Variants in ATP9A observed in about 807,000 individuals in gnomAD.
The protein encoded by ATP9A is probable phospholipid-transporting ATPase IIA.
In ATP9A, 52 loss-of-function variants were observed where a neutral mutation model predicts 144.1. That is an observed-to-expected ratio of 0.36 (90% CI 0.29 to 0.45). ATP9A has a LOEUF of 0.45. Among genes scored for constraint, ATP9A ranks in the 20% least tolerant of loss-of-function variants. ATP9A has a pLI of 1.00. For missense variants in ATP9A, 947 were observed against 1,392.7 expected, an observed-to-expected ratio of 0.68 and a Z score of 5.09; for synonymous variants, 582 against 557.4, an observed-to-expected ratio of 1.04 and a Z score of -0.62.
At chr20:51,721,856 A>T (rs909153994) in intron 3 of ATP9A, among the ~76,000 whole-genome samples, 1 of 151,920 alleles carries the variant, frequency 6.6e-6, no homozygotes, top group African/African-American at 2.4e-5. Context: ...ATTCATATGG[A>T]ACCAAAAAAG....
At chr20:51,640,917 G>A (rs535475351) in intron 14 of ATP9A, among the ~76,000 whole-genome samples, 9 of 152,198 alleles carry the variant, frequency 5.9e-5, no homozygotes, top group South Asian at 4.2e-4. Flanking sequence ...TCCCCGAGAC[G>A]GCCTAACTTT....
At chr20:51,720,574 A>G (rs1322106592) in intron 3 of ATP9A, among the ~76,000 whole-genome samples, 1 of 151,986 alleles carries the variant, frequency 6.6e-6, no homozygotes, top group Non-Finnish European at 1.5e-5. Context: ...AGTGGCTCAC[A>G]CCTGTCATCC....
intron 13 of ATP9A, among the ~76,000 whole-genome samples, chr20:51,666,872 G>A (rs1381992689): frequency 1.3e-5 from 2 of 152,118 alleles, no homozygotes; most frequent in East Asian, 3.9e-4. Flanking sequence ...TTTCAGGTAT[G>A]TAAATCATCC....
chr20:51,704,182 TA>T (rs11086355), intron 4 of ATP9A, among the ~76,000 whole-genome samples: 18,833 of 130,380 alleles, frequency 0.14, 2,205 homozygotes, highest in African/African-American at 0.34. Context: ...AGTGGGAACT[TA>T]AAAAAAAAAA....
intron 1 of ATP9A, among the ~76,000 whole-genome samples, chr20:51,739,500 C>T (rs575521363): frequency 1.3e-5 from 2 of 151,880 alleles, no homozygotes; most frequent in Non-Finnish European, 2.9e-5. Flanking sequence ...TACAGGCACC[C>T]GCCACCATGC....
At chr20:51,690,630 C>A in intron 8 of ATP9A, 109 bp downstream of exon 8, 1 of 927,710 alleles carries the variant, frequency 1.1e-6, no homozygotes, top group South Asian at 1.5e-5. Flanking sequence ...TATGTCCCCA[C>A]CTGGCATGAA....
At chr20:51,727,204 G>A (rs1372196102) in intron 2 of ATP9A, among the ~76,000 whole-genome samples, 1 of 151,720 alleles carries the variant, frequency 6.6e-6, no homozygotes, top group African/African-American at 2.4e-5. Context: ...GAACACAAGA[G>A]GCAGACGTTG....
At chr20:51,716,587 A>T (rs2077662968) in intron 3 of ATP9A, among the ~76,000 whole-genome samples, 1 of 152,024 alleles carries the variant, frequency 6.6e-6, no homozygotes, top group South Asian at 2.1e-4. Flanking sequence ...CAGGAGGCAG[A>T]GATTGTTGCA....
At chr20:51,627,092 T>G (rs1021673378) in intron 17 of ATP9A, among the ~76,000 whole-genome samples, 3 of 149,162 alleles carry the variant, frequency 2.0e-5, no homozygotes, top group Non-Finnish European at 4.5e-5. Flanking sequence ...AGAACAAGAA[T>G]AAGAAGAACA....
chr20:51,651,443 CATAAA>C (rs896466685), intron 14 of ATP9A, among the ~76,000 whole-genome samples: 167 of 145,308 alleles, frequency 1.1e-3, no homozygotes, highest in African/African-American at 4.0e-3. Context: ...TATAAATACA[CATAAA>C]ATAAAATAAA....
rs2077185040 is a variant in ATP9A, at chr20:51,611,566, C to G, written c.2572-1401G>C. Among the ~76,000 whole-genome samples, 1 of 152,200 alleles carries G rather than the reference C, an allele frequency of 6.6e-6. No homozygotes were observed. Among genetic ancestry groups the G allele is most frequent in the Non-Finnish European group, 1.5e-5 (1 of 68,038 alleles). On this transcript the variant is annotated intron_variant, in intron 23 of 27. Coordinates refer to ENST00000338821, the MANE Select transcript of ATP9A (RefSeq NM_006045.3). The surrounding 1 kb of genome is among the most constrained non-coding windows in gnomAD (Gnocchi z 4.2). ...GGGACTTGCTCTCGGCCATTTTCAG[C>G]ACAGTGGACAGGGGTTAAAGGCATT...
intron 26 of ATP9A, among the ~76,000 whole-genome samples, chr20:51,606,595 G>A (rs958838835): frequency 6.6e-6 from 1 of 152,130 alleles, no homozygotes; most frequent in African/African-American, 2.4e-5. Context: ...TGCTGAACTA[G>A]AAACAGGTTT....
intron 1 of ATP9A, chr20:51,734,642 AT>A (rs1302050655): frequency 6.6e-6 from 1 of 152,280 alleles, no homozygotes; most frequent in Non-Finnish European, 1.5e-5. Context: ...TTAAGAAGAA[AT>A]TTAAAAAAGA....
At chr20:51,623,818 A>AAAGG (rs1178379038) in intron 18 of ATP9A, among the ~76,000 whole-genome samples, 1 of 126,838 alleles carries the variant, frequency 7.9e-6, no homozygotes, top group Non-Finnish European at 1.7e-5. Context: ...AGAAAGAAAG[A>AAAGG]AAAGAAAAGA....
chr20:51,628,908 C>A, intron 16 of ATP9A, 72 bp downstream of exon 16: 1 of 1,334,986 alleles, frequency 7.5e-7, no homozygotes, highest in African/African-American at 1.4e-5. Context: ...AGAGACCCAC[C>A]TTACCATGCA....
At chr20:51,675,347 T>C (rs1008547690) in intron 10 of ATP9A, among the ~76,000 whole-genome samples, 1 of 152,162 alleles carries the variant, frequency 6.6e-6, no homozygotes, top group Non-Finnish European at 1.5e-5. Context: ...TATTCTGTAA[T>C]GTTCTGACTC....
chr20:51,602,333 G>A (rs1427690941), intron 27 of ATP9A, among the ~76,000 whole-genome samples: 3 of 152,174 alleles, frequency 2.0e-5, no homozygotes, highest in Non-Finnish European at 4.4e-5. Flanking sequence ...TGCCACTGAG[G>A]CAGCACCTAC....
At chr20:51,683,130 C>A (rs2077507650) in intron 9 of ATP9A, among the ~76,000 whole-genome samples, 1 of 152,040 alleles carries the variant, frequency 6.6e-6, no homozygotes, top group African/African-American at 2.4e-5. Flanking sequence ...TTCTCTGTCA[C>A]CCAAACTGGA....
In ATP9A at chr20:51,629,175, G is replaced by C. The variant is rs113045538; in HGVS notation, c.1669-103C>G. On this transcript the variant is annotated intron_variant, in intron 15 of 27. Transcript: ENST00000338821. ...GACAGTGTACAAAGTGCACTTAACA[G>C]ACACCAATGTTTTTTCAGTTGGCTG... The C allele has an allele frequency of 2.5e-3, 2,023 of 822,984 alleles. 9 individuals are homozygous for C. Among genetic ancestry groups the C allele is most frequent in the Non-Finnish European group, 3.5e-3 (1,849 of 522,094 alleles). The allele number at this position is 822,984 out of a possible 1,614,324, so 51.0% of individuals were successfully genotyped here. A position where few individuals can be genotyped will look rare whatever the true frequency, so the allele number is the denominator to read the frequency against.
Sources: gnomAD v4.1 joint callset for allele counts (sites outside exome capture counted in the v4.1 genomes callset) on GRCh38, gnomAD v4.1.1 for gene constraint, Gnocchi (gnomAD v3.1) non-coding constraint, MANE v1.5 for transcripts, NCBI Gene and HGNC (gene_info 2026-07-23, HGNC 2026-07-21) for gene names.